RAB3C: variants seen among roughly 807,000 people sequenced by gnomAD.
RAB3C encodes RAB3C, member RAS oncogene family, also known as ras-related protein Rab-3C.
RAB3C carries 17 observed loss-of-function variants against 26.4 expected under a neutral mutation model. The ratio of observed to expected loss-of-function variants is 0.64; its 90% CI spans 0.44 to 0.97. The LOEUF (loss-of-function observed/expected upper bound fraction) is 0.97, where lower values mean the gene tolerates loss of function less well. Among genes scored for constraint, RAB3C ranks in the 50% least tolerant of loss-of-function variants. The pLI is 0.00. For missense variants in RAB3C, 242 were observed against 281.9 expected (o/e 0.86, Z 1.01); for synonymous variants, 91 against 95.9 (o/e 0.95, Z 0.30).
At chr5:58,719,831 A>G (rs1332751454) in intron 2 of RAB3C, among the ~76,000 whole-genome samples, 3 of 151,932 alleles carry the variant, frequency 2.0e-5, no homozygotes, top group Non-Finnish European at 1.5e-5. Context: ...TACAGGGTAT[A>G]CTGCTTGGGT....
intron 1 of RAB3C, among the ~76,000 whole-genome samples, chr5:58,599,357 C>A (rs150445808): frequency 6.6e-5 from 10 of 152,152 alleles, no homozygotes; most frequent in Admixed American, 5.2e-4. Context: ...GAGCAGGGAC[C>A]AGGGCCTGAG....
intron 3 of RAB3C, among the ~76,000 whole-genome samples, chr5:58,803,711 C>T (rs1742866469): frequency 6.6e-6 from 1 of 152,112 alleles, no homozygotes; most frequent in Non-Finnish European, 1.5e-5. Flanking sequence ...AAGATAAAGG[C>T]ATCTGGAACA....
intron 2 of RAB3C, among the ~76,000 whole-genome samples, chr5:58,673,824 A>G (rs982713863): frequency 3.3e-5 from 5 of 152,210 alleles, no homozygotes; most frequent in African/African-American, 1.2e-4. Context: ...CATGCCTCTC[A>G]TAACTCAGAG....
At chr5:58,792,334 C>A (rs1742542636) in intron 3 of RAB3C, among the ~76,000 whole-genome samples, 1 of 152,178 alleles carries the variant, frequency 6.6e-6, no homozygotes, top group African/African-American at 2.4e-5. Context: ...AATAACAGCC[C>A]TATGGCTATG....
rs548928759 is a variant in RAB3C at position 58,706,426 on chromosome 5, A to T, written c.253-19576A>T. Among the ~76,000 whole-genome samples, 7 of 152,302 alleles carry T rather than the reference A, an allele frequency of 4.6e-5. No homozygotes were observed. The East Asian group carries it at 9.6e-4, about 21-fold the overall frequency. Reference sequence around the variant, plus strand: ...AAAAGCAGAAAAGCAGTAACAACAGACTTATTGGAAGAAAAGGTAGAGTTG... The same window carrying T: ...AAAAGCAGAAAAGCAGTAACAACAGTCTTATTGGAAGAAAAGGTAGAGTTG... On this transcript the variant is annotated intron_variant, in intron 2 of 4. Coordinates refer to ENST00000282878, the MANE Select transcript of RAB3C (RefSeq NM_138453.4).
chr5:58,634,552 T>C (rs1747249288), intron 2 of RAB3C, among the ~76,000 whole-genome samples: 1 of 152,224 alleles, frequency 6.6e-6, no homozygotes. Flanking sequence ...TCATAAATGG[T>C]AAGACTCAAG....
chr5:58,590,510 C>T (rs929004455), intron 1 of RAB3C, among the ~76,000 whole-genome samples: 4 of 151,824 alleles, frequency 2.6e-5, no homozygotes, highest in Admixed American at 2.6e-4. Flanking sequence ...TATTTAGATT[C>T]TTAAGGTATA....
chr5:58,706,128 T>C (rs1354205748), intron 2 of RAB3C, among the ~76,000 whole-genome samples: 1 of 152,182 alleles, frequency 6.6e-6, no homozygotes, highest in Non-Finnish European at 1.5e-5. Context: ...GTAAAGGAGA[T>C]GGCAAGTACA....
At chr5:58,676,856 T>C (rs932049696) in intron 2 of RAB3C, among the ~76,000 whole-genome samples, 2 of 152,188 alleles carry the variant, frequency 1.3e-5, no homozygotes, top group African/African-American at 4.8e-5. Flanking sequence ...AAATTATCAA[T>C]GTATTTTCTG....
At chr5:58,658,215 A>G (rs2111800606) in intron 2 of RAB3C, among the ~76,000 whole-genome samples, 1 of 152,344 alleles carries the variant, frequency 6.6e-6, no homozygotes, top group Non-Finnish European at 1.5e-5. Flanking sequence ...TTATAGTAGG[A>G]CAGACTAAAA....
At chr5:58,765,463 C>T (rs147366046) in intron 3 of RAB3C, among the ~76,000 whole-genome samples, 78 of 152,230 alleles carry the variant, frequency 5.1e-4, no homozygotes, top group South Asian at 2.1e-3. Context: ...ATGTAACAAA[C>T]GCATCATGTG....
intron 1 of RAB3C, among the ~76,000 whole-genome samples, chr5:58,611,353 T>A (rs1746697159): frequency 6.6e-6 from 1 of 152,186 alleles, no homozygotes; most frequent in South Asian, 2.1e-4. Flanking sequence ...ACCGACAGTA[T>A]ATAAGCATTC....
Position 58,583,140 on chromosome 5 carries a change from A to T in RAB3C, c.-69A>T. On this transcript the variant is annotated 5_prime_UTR_variant, in exon 1 of 5. Transcript: ENST00000282878. ...AGAGTGTGGAGCGTGGAGCGCCGGG[A>T]CTGTGCACGCTTGACCGGAAGCCCA... The T allele has an allele frequency of 6.2e-7, 1 of 1,612,156 alleles. No individual in the cohort carries two copies. The highest frequency in any genetic ancestry group is 2.2e-5 in the East Asian group (1 of 44,832).
chr5:58,611,895 G>A (rs1055995776), intron 1 of RAB3C, among the ~76,000 whole-genome samples: 2 of 152,008 alleles, frequency 1.3e-5, no homozygotes, highest in Admixed American at 1.3e-4. Flanking sequence ...TCCATCTTGA[G>A]TTAGTTTTTG....
chr5:58,746,689 T>C (rs1010389624), intron 3 of RAB3C, among the ~76,000 whole-genome samples: 2 of 152,172 alleles, frequency 1.3e-5, no homozygotes, highest in African/African-American at 4.8e-5. Flanking sequence ...CAGAGAGAAT[T>C]CACATGATTT....
chr5:58,797,386 TATATATATATAC>T (rs1742694530), intron 3 of RAB3C, among the ~76,000 whole-genome samples: 13 of 103,704 alleles, frequency 1.3e-4, no homozygotes, highest in African/African-American at 4.6e-4. Context: ...TATATATATA[TATATATATATAC>T]ACAGAGAGAG....
intron 3 of RAB3C, among the ~76,000 whole-genome samples, chr5:58,790,665 G>A (rs1291510785): frequency 6.6e-6 from 1 of 152,158 alleles, no homozygotes; most frequent in Non-Finnish European, 1.5e-5. Flanking sequence ...GTTGATGCAA[G>A]GGTATTGCAC....
chr5:58,606,891 A>G (rs770168134), intron 1 of RAB3C, among the ~76,000 whole-genome samples: 1 of 152,180 alleles, frequency 6.6e-6, no homozygotes, highest in East Asian at 1.9e-4. Context: ...GGACATCCAC[A>G]CCAAAACCCC....
At chr5:58,844,035 T>C (rs1254879036) in intron 4 of RAB3C, among the ~76,000 whole-genome samples, 1 of 152,208 alleles carries the variant, frequency 6.6e-6, no homozygotes, top group Non-Finnish European at 1.5e-5. Flanking sequence ...CTGGGCACTA[T>C]GTTACTATCT....
Sources: gnomAD v4.1 joint callset for allele counts (sites outside exome capture counted in the v4.1 genomes callset) on GRCh38, gnomAD v4.1.1 for gene constraint, MANE v1.5 for transcripts, NCBI Gene and HGNC (gene_info 2026-07-23, HGNC 2026-07-21) for gene names.